Variants in TLE6 observed in about 807,000 individuals in gnomAD.
The protein encoded by TLE6 is transducin-like enhancer protein 6.
A neutral mutation model predicts 77.1 loss-of-function variants in TLE6; 72 were observed. That is an observed-to-expected ratio of 0.93 (90% confidence interval 0.77 to 1.14). The LOEUF is 1.14. TLE6 is among the 50% of genes most tolerant of loss of function. TLE6 has a pLI of 0.00. For synonymous variants in TLE6, 366 were observed against 287.3 expected, an observed-to-expected ratio of 1.27 and a Z score of -2.77; for missense variants, 843 against 747.6, an observed-to-expected ratio of 1.13 and a Z score of -1.49.
intron 5 of TLE6, among the ~76,000 whole-genome samples, chr19:2,985,592 T>G (rs1252765152): frequency 7.2e-6 from 1 of 139,314 alleles, no homozygotes; most frequent in Non-Finnish European, 1.6e-5. Flanking sequence ...TTTTTTTTTT[T>G]GTATTTTTAG....
In TLE6 at chr19:2,995,064, C is replaced by CG. The variant is rs946277595; in HGVS notation, c.*60_*61insG. ...CTTTTCATCCCCCCCCTTCCCCCCC[C>CG]CCAACAAGGGGGACATGGTGGAGGG... On this transcript the variant is annotated 3_prime_UTR_variant, in exon 17 of 17. Transcript: ENST00000246112. The CG allele has an allele frequency of 3.0e-5, 31 of 1,023,364 alleles. No individual in the cohort carries two copies. In the African/African-American group the frequency reaches 4.0e-4, roughly 13 times the overall value. The allele number at this position is 1,023,364 out of a possible 1,614,324, so 63.4% of individuals were successfully genotyped here.
intron 13 of TLE6, among the ~76,000 whole-genome samples, chr19:2,991,407 C>T (rs1322686595): frequency 3.4e-5 from 5 of 147,430 alleles, no homozygotes; most frequent in South Asian, 2.1e-4. Context: ...CACACACACA[C>T]ACACACACAC....
intron 4 of TLE6, 27 bp from the exon 5 acceptor site, chr19:2,982,121 G>A (rs1005109678): frequency 1.2e-5 from 18 of 1,551,372 alleles, no homozygotes; most frequent in African/African-American, 2.7e-5. Flanking sequence ...ACCACCTCCC[G>A]ATGGGATCTC....
chr19:2,981,462 G>A, intron 3 of TLE6, 76 bp from the exon 4 acceptor site: 2 of 1,470,182 alleles, frequency 1.4e-6, no homozygotes, highest in Non-Finnish European at 1.9e-6. Flanking sequence ...CCTCCCTAGG[G>A]GTTGAGGGTG....
chr19:2,993,919 TCAAAA>T, intron 15 of TLE6, 95 bp from the exon 16 acceptor site: 2 of 670,520 alleles, frequency 3.0e-6, no homozygotes, highest in Non-Finnish European at 2.2e-6. Flanking sequence ...AGACCCTGTC[TCAAAA>T]AAAAAAAAAA....
At position 2,989,717 on chromosome 19, in the gene TLE6, C is replaced by T. The variant is rs142873734; in HGVS notation, c.1176C>T (p.Asn392=). 1.4e-4 allele frequency: 229 copies of T among 1,614,236 alleles called. No homozygotes were observed. The African/African-American group carries it at 2.6e-3, about 18-fold the overall frequency. The change falls in exon 13 of 17, where the codon AAC becomes AAT. Residue 392 remains asparagine, a synonymous_variant. Transcript: ENST00000246112. ...CCCTGGATGCCAACCTGGATGCCAA[C>T]CTGGCCTTCGCCAGCTTCACCAGTG... ...CQALDANLDA[N]LAFASFTSGV...
At chr19:2,979,410 C>T (rs1297865170) in intron 2 of TLE6, among the ~76,000 whole-genome samples, 1 of 151,784 alleles carries the variant, frequency 6.6e-6, no homozygotes, top group East Asian at 2.0e-4. Flanking sequence ...CCACGCCCGG[C>T]TAATTTTTGT....
At chr19:2,983,908 A>T (rs2088850902) in intron 5 of TLE6, 1 of 152,348 alleles carries the variant, frequency 6.6e-6, no homozygotes, top group Non-Finnish European at 1.5e-5. Flanking sequence ...GCATCAGGAT[A>T]CGCAGGGGGT....
chr19:2,988,015 G>T (rs369850640), intron 10 of TLE6, 41 bp downstream of exon 10: 10 of 1,590,904 alleles, frequency 6.3e-6, no homozygotes, highest in Non-Finnish European at 8.6e-6. Context: ...CGTGAAGGCT[G>T]CCCAGGGTGG....
At chr19:2,986,961 T>G in intron 6 of TLE6, 22 bp from the exon 7 acceptor site, 1 of 1,580,142 alleles carries the variant, frequency 6.3e-7, no homozygotes. Flanking sequence ...AAGCTCTCAC[T>G]GCCTTGTTCC....
At chr19:2,979,712 G>A (rs956815820) in intron 2 of TLE6, among the ~76,000 whole-genome samples, 13 of 151,326 alleles carry the variant, frequency 8.6e-5, no homozygotes, top group African/African-American at 3.2e-4. Flanking sequence ...AGGCCGAGGC[G>A]GGTAGATCAT....
intron 11 of TLE6, 155 bp from the exon 12 acceptor site, chr19:2,988,906 A>T: frequency 9.6e-7 from 1 of 1,043,162 alleles, no homozygotes; most frequent in Non-Finnish European, 1.4e-6. Flanking sequence ...AAGGAATATG[A>T]GCAGGACATT....
Position 2,978,246 on chromosome 19 carries a change from G to A in TLE6, c.13G>A (p.Asp5Asn). Residue 5 changes from aspartate to asparagine, a missense_variant, in exon 2 of 17, where the codon GAC becomes AAC. By Grantham distance (23) the Asp-to-Asn change is conservative (BLOSUM62 1). Coordinates refer to ENST00000246112, the MANE Select transcript of TLE6 (RefSeq NM_001143986.2). MTSR[D>N]QPRPKGPPKS... Reference sequence around the variant, plus strand: ...TACTGCCTTGAAGATGACCTCTAGGGACCAGCCCAGACCCAAGGGCCCCCC... The same window carrying A: ...TACTGCCTTGAAGATGACCTCTAGGAACCAGCCCAGACCCAAGGGCCCCCC... 5 of 1,551,470 alleles carry A rather than the reference G, an allele frequency of 3.2e-6. No individual in the cohort carries two copies. Among genetic ancestry groups the A allele is most frequent in the South Asian group, 2.4e-5 (2 of 84,046 alleles).
Position 2,989,761 on chromosome 19 carries a change from A to G in TLE6, c.1220A>G (p.Asp407Gly). 1 of 1,614,028 alleles carries G rather than the reference A, an allele frequency of 6.2e-7. No individual in the cohort carries two copies. The highest frequency in any genetic ancestry group is 8.5e-7 in the Non-Finnish European group (1 of 1,179,968). ...ACCAGTGGTGTGGTCAGGATCTGGGACCTGCGGGATCAGAGTGTGGTCAGG... is the reference window on the plus strand; with the variant it reads ...ACCAGTGGTGTGGTCAGGATCTGGGGCCTGCGGGATCAGAGTGTGGTCAGG... ...SFTSGVVRIW[D>G]LRDQSVVRDL... is the part of the protein sequence containing the mutation. Residue 407 changes from aspartate (D) to glycine (G), a missense_variant, in exon 13 of 17, where the codon GAC becomes GGC. By Grantham distance (94) the Asp-to-Gly change is moderately conservative. Coordinates refer to ENST00000246112, the MANE Select transcript of TLE6 (RefSeq NM_001143986.2).
At chr19:2,990,645 A>G (rs936372717) in intron 13 of TLE6, among the ~76,000 whole-genome samples, 1 of 145,226 alleles carries the variant, frequency 6.9e-6, no homozygotes, top group African/African-American at 2.6e-5. Flanking sequence ...AAATAAATAT[A>G]TATATAAATA....
At position 2,992,057 on chromosome 19, in the gene TLE6, C is replaced by T. The variant is rs577020785; in HGVS notation, c.1386+73C>T. 331 of 1,563,152 alleles carry T rather than the reference C, an allele frequency of 2.1e-4. 1 individual carries two copies. In the African/African-American group the frequency reaches 3.8e-3, roughly 18 times the overall value. Reference sequence around the variant, plus strand: ...TCAGATTAAAAAATGAGGTTGAGGCCGGGCTCCGTGGCTCACGCCTATAAT... The same window carrying T: ...TCAGATTAAAAAATGAGGTTGAGGCTGGGCTCCGTGGCTCACGCCTATAAT... On this transcript the variant is annotated intron_variant, in intron 14 of 16. Transcript: ENST00000246112.
At chr19:2,993,356 C>T in intron 14 of TLE6, 76 bp from the exon 15 acceptor site, 1 of 1,487,724 alleles carries the variant, frequency 6.7e-7, no homozygotes. Context: ...CAGGATAGGT[C>T]CCCAGGCTCC....
chr19:2,984,057 C>G (rs149485422), intron 5 of TLE6: 2 of 152,344 alleles, frequency 1.3e-5, no homozygotes, highest in African/African-American at 4.8e-5. Context: ...TTCCCCCACC[C>G]GCTGCTTCCA....
At chr19:2,991,419 C>G (rs2089059309) in intron 13 of TLE6, among the ~76,000 whole-genome samples, 1 of 148,116 alleles carries the variant, frequency 6.8e-6, no homozygotes, top group Admixed American at 6.8e-5. Flanking sequence ...CACACACACA[C>G]ACACACATAT....
Sources: allele counts gnomAD v4.1 joint callset (sites outside exome capture counted in the v4.1 genomes callset), GRCh38; gene constraint gnomAD v4.1.1; transcripts MANE v1.5; gene names NCBI Gene and HGNC (gene_info 2026-07-23, HGNC 2026-07-21).